The following L3MBTL4 variants were observed in gnomAD, a reference collection of about 807,000 sequenced individuals.
L3MBTL4 encodes lethal(3)malignant brain tumor-like protein 4.
In L3MBTL4, 70 loss-of-function variants were observed where a neutral mutation model predicts 84.5. The observed-to-expected ratio is 0.83, with a 90% confidence interval of 0.68 to 1.01. The LOEUF is 1.01. L3MBTL4 is among the 50% of genes least tolerant of loss of function. The pLI, the probability that L3MBTL4 is intolerant of heterozygous loss-of-function variation, is 0.00. For synonymous variants in L3MBTL4, 274 were observed against 259.8 expected (o/e 1.05, Z -0.52); for missense variants, 715 against 754.8 (o/e 0.95, Z 0.62).
intron 1 of L3MBTL4, among the ~76,000 whole-genome samples, chr18:6,345,185 C>T (rs1366032859): frequency 8.2e-5 from 6 of 73,232 alleles, no homozygotes; most frequent in African/African-American, 2.5e-4. Flanking sequence ...GCCTGGGCAC[C>T]GATGGTGAAA....
At chr18:6,172,253 G>A (rs1489708346) in intron 12 of L3MBTL4, among the ~76,000 whole-genome samples, 1 of 152,138 alleles carries the variant, frequency 6.6e-6, no homozygotes, top group Non-Finnish European at 1.5e-5. Flanking sequence ...CTGTTGAGGG[G>A]ATACTCTTTG....
chr18:6,414,787 G>C lies in L3MBTL4; in HGVS notation c.-91+14C>G, dbSNP rs961062994. ...CTCGCGACCATCCCACGCGGGCGGC[G>C]GCGTCCTTCTTACCCCCAGCGGAGC... is the stretch of plus-strand genomic sequence containing the variant. On this transcript the variant is annotated intron_variant, in intron 1 of 18. Coordinates refer to ENST00000317931, the MANE Select transcript of L3MBTL4 (RefSeq NM_001330559.2). This position sits in a 1 kb window ranked among gnomAD's most constrained non-coding sequence, Gnocchi z 5.4. 8 of 151,686 alleles carry C rather than the reference G, an allele frequency of 5.3e-5. No individual in the cohort carries two copies. The highest frequency in any genetic ancestry group is 1.0e-4 in the Non-Finnish European group (7 of 67,894). The allele number at this position is 151,686 out of a possible 1,614,324, so 9.4% of individuals were successfully genotyped here.
chr18:5,972,845 C>G (rs998530299), intron 16 of L3MBTL4, among the ~76,000 whole-genome samples: 7 of 147,844 alleles, frequency 4.7e-5, no homozygotes, highest in African/African-American at 7.5e-5. Flanking sequence ...AGGAGGGAGA[C>G]AAAAAATAGA....
intron 1 of L3MBTL4, among the ~76,000 whole-genome samples, chr18:6,333,765 C>G (rs1396063086): frequency 6.6e-6 from 1 of 152,150 alleles, no homozygotes; most frequent in African/African-American, 2.4e-5. Context: ...CATCAACTTT[C>G]AAGGTCTCTG....
At chr18:6,032,939 C>T (rs1398493133) in intron 16 of L3MBTL4, among the ~76,000 whole-genome samples, 3 of 152,112 alleles carry the variant, frequency 2.0e-5, no homozygotes, top group Admixed American at 2.0e-4. Flanking sequence ...TAATTTGTGA[C>T]CTAACCTATG....
intron 1 of L3MBTL4, among the ~76,000 whole-genome samples, chr18:6,313,828 A>G (rs2050953778): frequency 6.6e-6 from 1 of 151,596 alleles, no homozygotes; most frequent in East Asian, 1.9e-4. Flanking sequence ...TTATATCAGG[A>G]AAAAAAAATG....
rs1256411523 is a variant in L3MBTL4, at chr18:5,956,340, G to A, written c.1725C>T (p.Val575=). The change falls in exon 19 of 19, where the codon GTC becomes GTT. Residue 575 remains valine (V), a synonymous_variant. Transcript: ENST00000317931. ...GGCCCAGTTTGATCTTCATCACTTT[G>A]ACAATGTCCGTCTGTGTCAGAAGCA... The part of the protein sequence containing the change: ...AFLLLTQTDI[V]KVMKIKLGPA... The A allele has an allele frequency of 2.5e-6, 4 of 1,614,058 alleles. No homozygotes were observed. Among genetic ancestry groups the A allele is most frequent in the Non-Finnish European group, 3.4e-6 (4 of 1,179,966 alleles).
At chr18:5,995,824 C>T (rs1292619808) in intron 16 of L3MBTL4, among the ~76,000 whole-genome samples, 1 of 152,128 alleles carries the variant, frequency 6.6e-6, no homozygotes, top group Non-Finnish European at 1.5e-5. Context: ...TGCCACCCTA[C>T]AGGGCATGGC....
At chr18:6,226,487 A>T (rs75917484) in intron 10 of L3MBTL4, among the ~76,000 whole-genome samples, 11,162 of 152,254 alleles carry the variant, frequency 0.073, 1,395 homozygotes, top group African/African-American at 0.25. Context: ...AGCCTTTACG[A>T]GATATAGAAC....
At chr18:6,262,608 CCT>C (rs2048456797) in intron 5 of L3MBTL4, among the ~76,000 whole-genome samples, 1 of 152,198 alleles carries the variant, frequency 6.6e-6, no homozygotes, top group East Asian at 1.9e-4. Context: ...AGGCCCAGCC[CCT>C]GAGGGTCTGA....
At chr18:6,318,900 C>T (rs1049449748) in intron 1 of L3MBTL4, among the ~76,000 whole-genome samples, 18 of 152,156 alleles carry the variant, frequency 1.2e-4, no homozygotes, top group East Asian at 7.7e-4. Flanking sequence ...AGTCTTGATA[C>T]ATTTTAACAT....
intron 16 of L3MBTL4, among the ~76,000 whole-genome samples, chr18:6,055,208 T>C (rs183979325): frequency 1.2e-3 from 189 of 152,388 alleles, no homozygotes; most frequent in Middle Eastern, 3.4e-3. Context: ...TCATGATGTT[T>C]AAAGATATTT....
intron 1 of L3MBTL4, among the ~76,000 whole-genome samples, chr18:6,321,734 A>C (rs925359318): frequency 2.0e-5 from 3 of 152,154 alleles, no homozygotes; most frequent in Admixed American, 2.0e-4. Flanking sequence ...TGAATGAGAT[A>C]ATGTCTTTTG....
At chr18:6,338,565 G>A (rs1056394585) in intron 1 of L3MBTL4, among the ~76,000 whole-genome samples, 1 of 151,832 alleles carries the variant, frequency 6.6e-6, no homozygotes, top group Non-Finnish European at 1.5e-5. Flanking sequence ...ACAAAGGCCA[G>A]TAAAAAAATA....
chr18:6,142,584 T>A (rs941040454), intron 13 of L3MBTL4, among the ~76,000 whole-genome samples: 5 of 152,042 alleles, frequency 3.3e-5, no homozygotes, highest in Admixed American at 2.0e-4. Context: ...CAGCTTTTTT[T>A]AAAAAAACAA....
At chr18:5,999,045 C>T (rs988631351) in intron 16 of L3MBTL4, among the ~76,000 whole-genome samples, 1 of 152,182 alleles carries the variant, frequency 6.6e-6, no homozygotes, top group Non-Finnish European at 1.5e-5. Flanking sequence ...TGAAGGAACA[C>T]TCTTTAGCAT....
At chr18:6,133,498 C>T (rs1224888483) in intron 14 of L3MBTL4, among the ~76,000 whole-genome samples, 1 of 152,088 alleles carries the variant, frequency 6.6e-6, no homozygotes, top group Non-Finnish European at 1.5e-5. Flanking sequence ...TGGGCTTCTC[C>T]CCTCCTCTCC....
At chr18:6,070,033 G>A (rs765544759) in intron 16 of L3MBTL4, among the ~76,000 whole-genome samples, 9 of 152,048 alleles carry the variant, frequency 5.9e-5, no homozygotes, top group South Asian at 4.1e-4. Context: ...TACTAAAAAC[G>A]GAGGGGAAAT....
intron 14 of L3MBTL4, among the ~76,000 whole-genome samples, chr18:6,121,877 C>A (rs1013361180): frequency 3.9e-5 from 6 of 152,102 alleles, no homozygotes; most frequent in African/African-American, 1.2e-4. Flanking sequence ...CAGGTTTGTG[C>A]GTCATTTAGG....
Sources: gnomAD v4.1 joint callset for allele counts (sites outside exome capture counted in the v4.1 genomes callset) on GRCh38, gnomAD v4.1.1 for gene constraint, Gnocchi (gnomAD v3.1) non-coding constraint, MANE v1.5 for transcripts, NCBI Gene and HGNC (gene_info 2026-07-23, HGNC 2026-07-21) for gene names.